Variants in OSBPL5 observed in about 807,000 individuals in gnomAD.
OSBPL5 encodes oxysterol-binding protein-related protein 5.
Under a neutral mutation model 111.2 loss-of-function variants are expected in OSBPL5, and 71 were observed. That is an observed-to-expected ratio of 0.64 (90% CI 0.53 to 0.78). The LOEUF is 0.78. OSBPL5 is among the 30% of genes least tolerant of loss of function. OSBPL5 has a pLI of 0.00. For synonymous variants in OSBPL5, 549 were observed against 513.9 expected, an observed-to-expected ratio of 1.07 and a Z score of -0.93; for missense variants, 1,210 against 1,189.3, an observed-to-expected ratio of 1.02 and a Z score of -0.26.
At chr11:3,152,395 C>CTTAAATA (rs1846619265) in intron 1 of OSBPL5, among the ~76,000 whole-genome samples, 1 of 152,200 alleles carries the variant, frequency 6.6e-6, no homozygotes, top group African/African-American at 2.4e-5. Flanking sequence ...GTATAGGTGA[C>CTTAAATA]ACTGGATTGC....
intron 5 of OSBPL5, 39 bp from the exon 6 acceptor site, chr11:3,120,663 G>T: frequency 1.2e-6 from 2 of 1,601,538 alleles, no homozygotes; most frequent in South Asian, 2.2e-5. Flanking sequence ...CACCCTCTGG[G>T]GCCGCCATCC....
Position 3,097,261 on chromosome 11 carries a change from T to G in OSBPL5, c.1621+2897A>C, listed in dbSNP as rs1857305825. 2.0e-5 allele frequency among the ~76,000 whole-genome samples: 3 copies of G among 151,768 alleles called. No individual in the cohort carries two copies. In the South Asian group the frequency reaches 6.2e-4, roughly 32 times the overall value. ...CTTGGGTCAGAGTAACCAGGAGAGA[T>G]TTTTTCCGAGACATTTCCACTAAGC... is the stretch of plus-strand genomic sequence containing the variant. On this transcript the variant is annotated intron_variant, in intron 14 of 21. Coordinates refer to ENST00000263650, the MANE Select transcript of OSBPL5 (RefSeq NM_020896.4).
chr11:3,091,294 G>T (rs1006715833), intron 19 of OSBPL5, among the ~76,000 whole-genome samples: 1 of 152,256 alleles, frequency 6.6e-6, no homozygotes, highest in Admixed American at 6.5e-5. Context: ...CTGGCTGTGG[G>T]ACCACCATGT....
chr11:3,112,477 T>C (rs1372957015), intron 7 of OSBPL5, among the ~76,000 whole-genome samples: 7 of 103,738 alleles, frequency 6.7e-5, no homozygotes, highest in African/African-American at 2.8e-4. Context: ...TGTTTTCTTT[T>C]CTTTTTTTTT....
intron 14 of OSBPL5, among the ~76,000 whole-genome samples, chr11:3,095,197 G>T (rs550117694): frequency 4.0e-4 from 60 of 151,796 alleles, no homozygotes; most frequent in African/African-American, 1.3e-3. Context: ...AGCTCTGATG[G>T]GGGGAGGTCT....
chr11:3,112,099 A>G (rs1295964792), intron 7 of OSBPL5, among the ~76,000 whole-genome samples: 8 of 109,494 alleles, frequency 7.3e-5, no homozygotes, highest in African/African-American at 3.0e-4. Flanking sequence ...GTGTGTGTGC[A>G]TATGTGTGTG....
At chr11:3,118,835 C>G (rs2134451452) in intron 7 of OSBPL5, among the ~76,000 whole-genome samples, 1 of 152,166 alleles carries the variant, frequency 6.6e-6, no homozygotes, top group Admixed American at 6.5e-5. Context: ...TCCCAAAGTG[C>G]TGGGATTACA....
chr11:3,128,199 C>T (rs1209703625), intron 2 of OSBPL5, among the ~76,000 whole-genome samples: 1 of 152,200 alleles, frequency 6.6e-6, no homozygotes, highest in Non-Finnish European at 1.5e-5. Flanking sequence ...GGTGGTGGAT[C>T]CGCCCAATGC....
rs749151635 is a variant in OSBPL5, at chr11:3,092,437, G to A, written c.2254C>T (p.His752Tyr). The change falls in exon 19 of 22, where the codon CAC becomes TAC. Residue 752 changes from histidine (H) to tyrosine (Y), a missense_variant. Coordinates refer to ENST00000263650, the MANE Select transcript of OSBPL5 (RefSeq NM_020896.4). The surrounding 1 kb of genome is among the most constrained non-coding windows in gnomAD (Gnocchi z 5.4). ...GGGGCCTGTGGGGTGCTGACCTCGT[G>A]CCTGGGCCCTGGGCTGCCCAGGAAG... ...TTFLGSPGPR[H>Y]ERSGPDQRLR... is the part of the protein sequence containing the mutation. The A allele has an allele frequency of 6.3e-7, 1 of 1,580,410 alleles. No individual in the cohort carries two copies. Among genetic ancestry groups the A allele is most frequent in the Admixed American group, 1.8e-5 (1 of 56,156 alleles).
rs1590669495 is a variant in OSBPL5 at position 3,113,958 on chromosome 11, T to C, written c.691+5589A>G. Among the ~76,000 whole-genome samples the C allele has an allele frequency of 6.6e-6, 1 of 152,222 alleles. No homozygotes were observed. The highest frequency in any genetic ancestry group is 2.4e-5 in the African/African-American group (1 of 41,460). On this transcript the variant is annotated intron_variant, in intron 7 of 21. Transcript: ENST00000263650. The surrounding 1 kb of genome is among the most constrained non-coding windows in gnomAD (Gnocchi z 4.8). Reference sequence around the variant, plus strand: ...ATTTTGCAATGGTGTTTCCATAATTTAAATAATGACAATTGCAGTTTTTAT... The same window carrying C: ...ATTTTGCAATGGTGTTTCCATAATTCAAATAATGACAATTGCAGTTTTTAT...
chr11:3,160,672 T>TCCCCCCCCCCCCCCCCCCCCCCCCCCC (rs71035491), intron 1 of OSBPL5, among the ~76,000 whole-genome samples: 1 of 122,440 alleles, frequency 8.2e-6, no homozygotes, highest in Non-Finnish European at 1.7e-5. Flanking sequence ...ATGACAACCC[T>TCCCCCCCCCCCCCCCCCCCCCCCCCCC]CCCCCCCCCC....
intron 1 of OSBPL5, among the ~76,000 whole-genome samples, chr11:3,132,159 A>G (rs548909110): frequency 1.2e-4 from 18 of 152,018 alleles, no homozygotes. Context: ...GACACATCTG[A>G]GGTGGTATTC....
chr11:3,155,527 T>TCACTCACCCCAGCTCTGC (rs1846731315), intron 1 of OSBPL5, among the ~76,000 whole-genome samples: 5 of 30,278 alleles, frequency 1.7e-4, no homozygotes, highest in Non-Finnish European at 3.8e-4. Context: ...GGTCTGCCAC[T>TCACTCACCCCAGCTCTGC]CACTCACCCC....
At chr11:3,103,802 AG>A in intron 10 of OSBPL5, among the ~76,000 whole-genome samples, 1 of 40,710 alleles carries the variant, frequency 2.5e-5, no homozygotes, top group South Asian at 7.3e-4. Context: ...CTGCCTCTGC[AG>A]CCCTCTTCCT....
At chr11:3,119,076 C>T (rs1858309513) in intron 7 of OSBPL5, among the ~76,000 whole-genome samples, 1 of 151,524 alleles carries the variant, frequency 6.6e-6, no homozygotes, top group Admixed American at 6.6e-5. Flanking sequence ...ATGGCACCAT[C>T]TTGGATTGCT....
intron 3 of OSBPL5, 70 bp from the exon 4 acceptor site, chr11:3,122,498 C>G (rs757444234): frequency 2.8e-5 from 41 of 1,459,034 alleles, no homozygotes; most frequent in Non-Finnish European, 3.8e-5. Flanking sequence ...CCAGGTTGGC[C>G]TGATGCCAAG....
In OSBPL5 at chr11:3,097,962, G is replaced by A. The variant is rs535644768; in HGVS notation, c.1621+2196C>T. Among the ~76,000 whole-genome samples the A allele has an allele frequency of 3.9e-5, 6 of 152,284 alleles. No individual in the cohort carries two copies. In the East Asian group the frequency reaches 7.7e-4, roughly 20 times the overall value. On this transcript the variant is annotated intron_variant, in intron 14 of 21. Coordinates refer to ENST00000263650, the MANE Select transcript of OSBPL5 (RefSeq NM_020896.4). ...GGGCGCCTGTAGTCCCAGCTACTCA[G>A]GAGGCTGAGGCAGGAGAATTGCTTG...
chr11:3,097,952 C>A (rs770024318), intron 14 of OSBPL5, among the ~76,000 whole-genome samples: 57 of 152,122 alleles, frequency 3.7e-4, no homozygotes, highest in Non-Finnish European at 5.7e-4. Flanking sequence ...CCTGTAGTCC[C>A]AGCTACTCAG....
chr11:3,092,846 C>G lies in OSBPL5; in HGVS notation c.2132+21G>C. On this transcript the variant is annotated intron_variant, in intron 18 of 21. Transcript: ENST00000263650. This position sits in a 1 kb window ranked among gnomAD's most constrained non-coding sequence, Gnocchi z 5.4. ...AGGCCCAGCCCCACCCTGTGGCCCC[C>G]AGGGCTTTGTCGGCACTCACTCCTC... 2.0e-6 allele frequency: 3 copies of G among 1,512,560 alleles called. No individual in the cohort carries two copies. The highest frequency in any genetic ancestry group is 2.7e-6 in the Non-Finnish European group (3 of 1,122,692). 93.7% of individuals were successfully genotyped at this position (1,512,560 alleles called of 1,614,324 possible). A position where few individuals can be genotyped will look rare whatever the true frequency, so the allele number is the denominator to read the frequency against.
Sources: gnomAD v4.1 joint callset for allele counts (sites outside exome capture counted in the v4.1 genomes callset) on GRCh38, gnomAD v4.1.1 for gene constraint, Gnocchi (gnomAD v3.1) non-coding constraint, MANE v1.5 for transcripts, NCBI Gene and HGNC (gene_info 2026-07-23, HGNC 2026-07-21) for gene names.